Variants in LRRC4C observed in about 807,000 individuals in gnomAD.
LRRC4C encodes leucine rich repeat containing 4C.
LRRC4C carries 5 observed loss-of-function variants against 33.6 expected under a neutral mutation model. The ratio of observed to expected loss-of-function variants is 0.15; its 90% CI spans 0.08 to 0.31. The LOEUF (loss-of-function observed/expected upper bound fraction) is 0.31. Ranked by LOEUF, LRRC4C falls within the 10% of genes least tolerant of loss-of-function variation. The probability of loss-of-function intolerance (pLI) is 1.00; values close to 1 mark genes in which losing one functional copy is unlikely to be tolerated. For synonymous variants in LRRC4C, 329 were observed against 302.0 expected (o/e 1.09, Z -0.93); for missense variants, 560 against 796.7 (o/e 0.70, Z 3.58).
chr11:41,424,859 A>T (rs1954987120), intron 1 of LRRC4C, among the ~76,000 whole-genome samples: 1 of 151,896 alleles, frequency 6.6e-6, no homozygotes, highest in Admixed American at 6.6e-5. Context: ...TTTTTTTGAA[A>T]ATTTATACAG....
intron 3 of LRRC4C, among the ~76,000 whole-genome samples, chr11:40,598,430 C>T (rs979814771): frequency 4.6e-5 from 7 of 152,114 alleles, no homozygotes; most frequent in African/African-American, 1.4e-4. Flanking sequence ...GTCACAAACC[C>T]GTCTGTTACC....
intron 3 of LRRC4C, among the ~76,000 whole-genome samples, chr11:40,608,051 C>T (rs1226125096): frequency 6.6e-6 from 1 of 152,068 alleles, no homozygotes; most frequent in East Asian, 1.9e-4. Flanking sequence ...AACACATAAG[C>T]ATATGAAACT....
chr11:40,696,956 C>T (rs1945595297), intron 2 of LRRC4C, among the ~76,000 whole-genome samples: 1 of 151,668 alleles, frequency 6.6e-6, no homozygotes, highest in African/African-American at 2.4e-5. Context: ...TGGAAAGACA[C>T]GATGATTCAT....
At chr11:40,600,160 C>T (rs1959835669) in intron 3 of LRRC4C, among the ~76,000 whole-genome samples, 1 of 152,140 alleles carries the variant, frequency 6.6e-6, no homozygotes, top group Non-Finnish European at 1.5e-5. Flanking sequence ...GAGGATTGGA[C>T]TCAGTTTAGG....
intron 5 of LRRC4C, among the ~76,000 whole-genome samples, chr11:40,214,897 T>A (rs533304910): frequency 5.8e-4 from 89 of 152,268 alleles, no homozygotes; most frequent in Non-Finnish European, 1.0e-3. Context: ...GAAAAATAAT[T>A]GGAGGAATCA....
chr11:40,784,353 C>A (rs1950327486), intron 2 of LRRC4C, among the ~76,000 whole-genome samples: 1 of 152,124 alleles, frequency 6.6e-6, no homozygotes, highest in Non-Finnish European at 1.5e-5. Flanking sequence ...CACATGCCTT[C>A]TCTAATAAAG....
chr11:41,290,387 T>C (rs373263557), intron 1 of LRRC4C, among the ~76,000 whole-genome samples: 18 of 152,190 alleles, frequency 1.2e-4, no homozygotes, highest in African/African-American at 3.6e-4. Flanking sequence ...AATGTAAGCA[T>C]GTTCCTACGA....
chr11:41,097,727 C>A (rs1375692683), intron 1 of LRRC4C, among the ~76,000 whole-genome samples: 2 of 152,082 alleles, frequency 1.3e-5, no homozygotes, highest in African/African-American at 4.8e-5. Flanking sequence ...TATTATGGTA[C>A]TTTTCTTGAG....
At chr11:41,023,328 G>A (rs999586311) in intron 1 of LRRC4C, among the ~76,000 whole-genome samples, 1 of 151,814 alleles carries the variant, frequency 6.6e-6, no homozygotes, top group South Asian at 2.1e-4. Flanking sequence ...GAGTCTCACT[G>A]CAAACAAAAT....
At chr11:40,847,479 G>A (rs536021974) in intron 2 of LRRC4C, among the ~76,000 whole-genome samples, 7 of 152,172 alleles carry the variant, frequency 4.6e-5, no homozygotes, top group Non-Finnish European at 7.3e-5. Context: ...AACCAGACTT[G>A]CATCCCAGGG....
In LRRC4C at chr11:40,114,431, A is replaced by G. The variant is rs1457120152; in HGVS notation, c.1862T>C (p.Val621Ala). 7.4e-6 allele frequency: 12 copies of G among 1,614,040 alleles called. No individual in the cohort carries two copies. The highest frequency in any genetic ancestry group is 3.3e-5 in the Admixed American group (2 of 60,006). The change falls in exon 7 of 7, where the codon GTG becomes GCG. Residue 621 changes from valine (V) to alanine (A), a missense_variant. Around this residue, in one of 3 missense-constraint regions of LRRC4C, gnomAD observed 103 missense variants for 132.1 expected, o/e 0.78. Coordinates refer to ENST00000528697, the MANE Select transcript of LRRC4C (RefSeq NM_001258419.2). ...VNTINSIHSS[V>A]HEPLLIRMNS... is the part of the protein sequence containing the mutation. The stretch of plus-strand genomic sequence containing the variant: ...CATTCGGATCAATAACGGTTCATGC[A>G]CTGAACTGTGTATTGAATTTATTGT...
chr11:41,132,628 T>C (rs1236204713), intron 1 of LRRC4C, among the ~76,000 whole-genome samples: 2 of 152,178 alleles, frequency 1.3e-5, no homozygotes, highest in Non-Finnish European at 2.9e-5. Context: ...ACACAAATGT[T>C]AAGCAATTGT....
rs992858927 is a variant in LRRC4C at position 40,832,140 on chromosome 11, C to T, written c.-407+101495G>A. On this transcript the variant is annotated intron_variant, in intron 2 of 6. Coordinates refer to ENST00000528697, the MANE Select transcript of LRRC4C (RefSeq NM_001258419.2). ...GGTATAACCTACTGCTCCTAGGCTA[C>T]AAACCTGAGCAGCAGGTTACTCTAC... 2.0e-5 allele frequency among the ~76,000 whole-genome samples: 3 copies of T among 152,198 alleles called. No homozygotes were observed. In the East Asian group the frequency reaches 5.8e-4, roughly 29 times the overall value.
chr11:40,581,685 C>T (rs755657415), intron 3 of LRRC4C, among the ~76,000 whole-genome samples: 1 of 152,040 alleles, frequency 6.6e-6, no homozygotes, highest in Non-Finnish European at 1.5e-5. Flanking sequence ...GGGCAAATCA[C>T]GAGGTCGGGA....
intron 4 of LRRC4C, among the ~76,000 whole-genome samples, chr11:40,286,755 A>T (rs1943867668): frequency 6.6e-6 from 1 of 152,180 alleles, no homozygotes; most frequent in South Asian, 2.1e-4. Flanking sequence ...TTTACAATTG[A>T]GGAAACCGAG....
chr11:41,173,775 C>T (rs960292757), intron 1 of LRRC4C, among the ~76,000 whole-genome samples: 35 of 152,042 alleles, frequency 2.3e-4, no homozygotes, highest in Admixed American at 9.8e-4. Context: ...GATCTTTGTC[C>T]TATTTAATCT....
chr11:40,414,047 T>A (rs1190748187), intron 3 of LRRC4C, among the ~76,000 whole-genome samples: 1 of 152,062 alleles, frequency 6.6e-6, no homozygotes, highest in East Asian at 1.9e-4. Context: ...TTTTTTTGAC[T>A]CTACACAGAT....
intron 1 of LRRC4C, among the ~76,000 whole-genome samples, chr11:41,281,946 A>G (rs984105757): frequency 2.6e-5 from 4 of 152,252 alleles, no homozygotes; most frequent in African/African-American, 9.6e-5. Flanking sequence ...CAAGATCATT[A>G]GTTCATTTTA....
At chr11:40,859,814 C>T (rs1224125497) in intron 2 of LRRC4C, among the ~76,000 whole-genome samples, 9 of 152,280 alleles carry the variant, frequency 5.9e-5, no homozygotes, top group South Asian at 4.1e-4. Context: ...CGGTGGCTCA[C>T]GCCTGTAATC....
Sources: allele counts gnomAD v4.1 joint callset (sites outside exome capture counted in the v4.1 genomes callset), GRCh38; gene constraint gnomAD v4.1.1; regional missense constraint gnomAD v4.1.1; transcripts MANE v1.5; gene names NCBI Gene and HGNC (gene_info 2026-07-23, HGNC 2026-07-21).